The following ITGA9 variants were observed in gnomAD, a reference collection of about 807,000 sequenced individuals.
ITGA9 encodes integrin alpha-9.
A neutral mutation model predicts 127.8 loss-of-function variants in ITGA9; 56 were observed. The ratio of observed to expected loss-of-function variants is 0.44; its 90% confidence interval spans 0.35 to 0.55. The LOEUF is 0.55. ITGA9 is among the 20% of genes least tolerant of loss of function. ITGA9 has a pLI of 0.00. For synonymous variants in ITGA9, 508 were observed against 514.5 expected (o/e 0.99, Z 0.17); for missense variants, 1,196 against 1,347.1 (o/e 0.89, Z 1.76).
At chr3:37,786,404 C>T (rs1697041153) in intron 26 of ITGA9, among the ~76,000 whole-genome samples, 1 of 151,988 alleles carries the variant, frequency 6.6e-6, no homozygotes, top group African/African-American at 2.4e-5. Context: ...GAGTTCAAGA[C>T]CAACATGGCG....
chr3:37,686,116 G>A (rs1700779878), intron 18 of ITGA9, among the ~76,000 whole-genome samples: 1 of 152,134 alleles, frequency 6.6e-6, no homozygotes, highest in African/African-American at 2.4e-5. Context: ...TTTTCAGAGG[G>A]TGTGAAGTCA....
At chr3:37,794,194 ATCT>A (rs1697146067) in intron 26 of ITGA9, among the ~76,000 whole-genome samples, 1 of 152,232 alleles carries the variant, frequency 6.6e-6, no homozygotes, top group African/African-American at 2.4e-5. Context: ...TACAACTTCC[ATCT>A]TCTTTGGAAC....
At chr3:37,541,007 G>C (rs1699259943) in intron 14 of ITGA9, among the ~76,000 whole-genome samples, 1 of 152,226 alleles carries the variant, frequency 6.6e-6, no homozygotes, top group African/African-American at 2.4e-5. Flanking sequence ...GAGGCCCAGG[G>C]AGGCCATTAG....
chr3:37,789,530 C>T (rs1050246601), intron 26 of ITGA9, among the ~76,000 whole-genome samples: 37 of 150,760 alleles, frequency 2.5e-4, no homozygotes, highest in Non-Finnish European at 1.5e-4. Flanking sequence ...GAGGCCAAGG[C>T]GGGTGGACCA....
chr3:37,589,747 A>G (rs1699795161), intron 15 of ITGA9, among the ~76,000 whole-genome samples: 1 of 152,212 alleles, frequency 6.6e-6, no homozygotes, highest in African/African-American at 2.4e-5. Context: ...TCAGGAGGCC[A>G]GTGTGTCTAG....
chr3:37,477,530 A>G (rs1698506233), intron 3 of ITGA9, among the ~76,000 whole-genome samples: 1 of 152,298 alleles, frequency 6.6e-6, no homozygotes, highest in African/African-American at 2.4e-5. Flanking sequence ...TGCACCTCCC[A>G]GGTTTTCCCC....
At chr3:37,600,361 C>T (rs1699905653) in intron 15 of ITGA9, among the ~76,000 whole-genome samples, 1 of 152,134 alleles carries the variant, frequency 6.6e-6, no homozygotes, top group Non-Finnish European at 1.5e-5. Flanking sequence ...GATGTCAAGC[C>T]CCTTCCCTAA....
chr3:37,645,077 T>C (rs1045198928), intron 16 of ITGA9, among the ~76,000 whole-genome samples: 3 of 152,094 alleles, frequency 2.0e-5, no homozygotes, highest in African/African-American at 7.2e-5. Context: ...TCATGGTATT[T>C]ATATGAATAC....
chr3:37,703,772 T>C (rs921564916), intron 18 of ITGA9, among the ~76,000 whole-genome samples: 1 of 152,250 alleles, frequency 6.6e-6, no homozygotes, highest in Non-Finnish European at 1.5e-5. Context: ...TGCCAGAGGC[T>C]GCTCAACACT....
intron 4 of ITGA9, among the ~76,000 whole-genome samples, chr3:37,493,116 A>G (rs1424173806): frequency 6.6e-6 from 1 of 152,186 alleles, no homozygotes; most frequent in Non-Finnish European, 1.5e-5. Context: ...GAGTAACTCA[A>G]TTGACATTCT....
chr3:37,648,767 G>A (rs1700402646), intron 16 of ITGA9, among the ~76,000 whole-genome samples: 1 of 152,098 alleles, frequency 6.6e-6, no homozygotes, highest in South Asian at 2.1e-4. Context: ...GTTGGTAAAG[G>A]TAAGTATATG....
chr3:37,675,191 C>A (rs375050703), intron 17 of ITGA9, among the ~76,000 whole-genome samples: 1 of 152,178 alleles, frequency 6.6e-6, no homozygotes, highest in African/African-American at 2.4e-5. Context: ...TGCAGCCCCC[C>A]GCCTTTGCAG....
intron 17 of ITGA9, among the ~76,000 whole-genome samples, chr3:37,673,380 TA>T (rs1355569138): frequency 1.3e-5 from 2 of 152,194 alleles, no homozygotes; most frequent in Admixed American, 6.5e-5. Context: ...CCCTTGCAGA[TA>T]AGCTTCTTGG....
rs533989297 is a variant in ITGA9, at chr3:37,749,150, G to A, written c.2434-1312G>A. On this transcript the variant is annotated intron_variant, in intron 22 of 27. Transcript: ENST00000264741. ...GCCTGTGTTCTTGCCAGAGGCACCAGGGGAAAATCCACTTCTTGCCTTTGC... is the reference window on the plus strand; with the variant it reads ...GCCTGTGTTCTTGCCAGAGGCACCAAGGGAAAATCCACTTCTTGCCTTTGC... 32 of 203,142 alleles carry A rather than the reference G, an allele frequency of 1.6e-4. No homozygotes were observed. In the East Asian group the frequency reaches 3.5e-3, roughly 22 times the overall value. 12.6% of individuals were successfully genotyped at this position (203,142 alleles called of 1,614,324 possible).
Position 37,547,394 on chromosome 3 carries a change from A to T in ITGA9, c.1689+4809A>T, listed in dbSNP as rs149975498. On this transcript the variant is annotated intron_variant, in intron 15 of 27. Transcript: ENST00000264741. ...AGGGTGGGACATCACCCTGGCCACC[A>T]GGTCTCCTGAGAGATCACACCCTGG... Among the ~76,000 whole-genome samples the T allele has an allele frequency of 6.7e-3, 1,026 of 152,296 alleles. 8 individuals carry two copies. Among genetic ancestry groups the T allele is most frequent in the African/African-American group, 0.024 (984 of 41,556 alleles).
chr3:37,776,796 G>A (rs367573783), intron 23 of ITGA9, among the ~76,000 whole-genome samples: 15 of 152,300 alleles, frequency 9.8e-5, no homozygotes, highest in East Asian at 5.8e-4. Context: ...GGCAGAGACT[G>A]GTCAGTTATT....
At chr3:37,729,602 C>G (rs1696261239) in intron 18 of ITGA9, among the ~76,000 whole-genome samples, 1 of 151,998 alleles carries the variant, frequency 6.6e-6, no homozygotes, top group South Asian at 2.1e-4. Context: ...GCTAATTAAA[C>G]TGAGGTTTCC....
intron 2 of ITGA9, among the ~76,000 whole-genome samples, chr3:37,471,631 A>T (rs1698432032): frequency 6.6e-6 from 1 of 152,348 alleles, no homozygotes; most frequent in Admixed American, 6.5e-5. Context: ...GGGCCAGGCC[A>T]CGTGGGGCCT....
intron 26 of ITGA9, among the ~76,000 whole-genome samples, chr3:37,786,033 G>A: frequency 8.0e-6 from 1 of 125,552 alleles, no homozygotes; most frequent in East Asian, 2.4e-4. Flanking sequence ...GGGGGTTGAG[G>A]GGGGTTCATC....
Sources: allele counts gnomAD v4.1 joint callset (sites outside exome capture counted in the v4.1 genomes callset), GRCh38; gene constraint gnomAD v4.1.1; transcripts MANE v1.5; gene names NCBI Gene and HGNC (gene_info 2026-07-23, HGNC 2026-07-21).